Variants in ANK2 observed in about 807,000 individuals in gnomAD.
The protein encoded by ANK2 is ankyrin 2.
In ANK2, 83 loss-of-function variants were observed where a neutral mutation model predicts 360.5. The ratio of observed to expected loss-of-function variants is 0.23; its 90% CI spans 0.19 to 0.28. The LOEUF (loss-of-function observed/expected upper bound fraction) is 0.28, where lower values mean the gene tolerates loss of function less well. Ranked by LOEUF, ANK2 falls within the 10% of genes least tolerant of loss-of-function variation. ANK2 has a pLI of 1.00. For synonymous variants in ANK2, 1,740 were observed against 1,759.5 expected, an observed-to-expected ratio of 0.99 and a Z score of 0.28; for missense variants, 4,201 against 4,795.7, an observed-to-expected ratio of 0.88 and a Z score of 3.66.
In ANK2 at chr4:112,896,041, C is replaced by T. The variant is rs148949233; in HGVS notation, c.-39-8414C>T. 1.8e-3 allele frequency among the ~76,000 whole-genome samples: 272 copies of T among 152,302 alleles called. 1 individual carries two copies. Among genetic ancestry groups the T allele is most frequent in the Admixed American group, 5.1e-3 (78 of 15,294 alleles). On this transcript the variant is annotated intron_variant, in intron 1 of 30. Coordinates refer to the ANK2 transcript ENST00000503271. ...CATTTGTTCTCATTCTCTCACCACC[C>T]GCCACCCTACTGCTTCAGTTCCAGG...
chr4:113,189,199 C>G (rs563265125), intron 2 of ANK2, among the ~76,000 whole-genome samples: 1 of 152,212 alleles, frequency 6.6e-6, no homozygotes, highest in African/African-American at 2.4e-5. Flanking sequence ...AAATTGATAC[C>G]AAACACCATT....
At chr4:113,225,775 A>G (rs362467) in intron 4 of ANK2, among the ~76,000 whole-genome samples, 8 of 152,324 alleles carry the variant, frequency 5.3e-5, no homozygotes, top group South Asian at 2.1e-4. Context: ...AAATATAAAT[A>G]TTAGCTCTTG....
chr4:113,158,114 A>T (rs2097369566), intron 1 of ANK2, among the ~76,000 whole-genome samples: 1 of 152,190 alleles, frequency 6.6e-6, no homozygotes. Flanking sequence ...TTAAAAGAAA[A>T]AGCAAGTTTA....
intron 1 of ANK2, among the ~76,000 whole-genome samples, chr4:113,064,605 C>T (rs921089025): frequency 1.3e-5 from 2 of 152,186 alleles, no homozygotes; most frequent in African/African-American, 2.4e-5. Context: ...AAAGTACCAA[C>T]CACCCTTACG....
intron 37 of ANK2, among the ~76,000 whole-genome samples, chr4:113,351,745 A>G (rs910518844): frequency 6.6e-5 from 10 of 152,068 alleles, no homozygotes; most frequent in Admixed American, 2.0e-4. Context: ...AAATGTTACC[A>G]TGTTGCTATG....
the ANK2 span, among the ~76,000 whole-genome samples, chr4:112,777,338 A>AAC: frequency 6.6e-6 from 1 of 151,730 alleles, no homozygotes; most frequent in African/African-American, 2.4e-5. Flanking sequence ...TCCTGGATTC[A>AAC]CGCCATTCTC....
chr4:112,748,636 A>C, the ANK2 span, among the ~76,000 whole-genome samples: 1 of 152,168 alleles, frequency 6.6e-6, no homozygotes, highest in Admixed American at 6.5e-5. Flanking sequence ...TGTTGGGCCT[A>C]AAGTTCCTCA....
chr4:112,850,356 T>TCCATCCATCCATCCATCCAC (rs1176494692), intron 1 of ANK2, among the ~76,000 whole-genome samples: 4 of 149,248 alleles, frequency 2.7e-5, no homozygotes, highest in African/African-American at 7.4e-5. Flanking sequence ...CATCCATCCA[T>TCCATCCATCCATCCATCCAC]CCACCCATTC....
intron 1 of ANK2, among the ~76,000 whole-genome samples, chr4:112,903,487 A>T (rs2084146470): frequency 6.6e-6 from 1 of 152,204 alleles, no homozygotes; most frequent in Non-Finnish European, 1.5e-5. Flanking sequence ...ATAACCATTT[A>T]TGGGCTTGAA....
the ANK2 span, among the ~76,000 whole-genome samples, chr4:112,774,498 G>A: frequency 2.0e-5 from 3 of 152,176 alleles, no homozygotes. Flanking sequence ...GGCACCTCCA[G>A]TCTGGGCGAC....
chr4:113,047,399 C>T (rs976535547), upstream of ANK2, among the ~76,000 whole-genome samples: 1 of 152,150 alleles, frequency 6.6e-6, no homozygotes, highest in South Asian at 2.1e-4. Context: ...TCATGATATC[C>T]ACAGTAGTTA....
chr4:112,869,304 A>C (rs1281523893), intron 1 of ANK2, among the ~76,000 whole-genome samples: 1 of 148,382 alleles, frequency 6.7e-6, no homozygotes, highest in African/African-American at 2.5e-5. Flanking sequence ...TTTTGACAGG[A>C]TCTCACTCTG....
chr4:112,852,017 T>G (rs150503709), intron 1 of ANK2, among the ~76,000 whole-genome samples: 58 of 152,362 alleles, frequency 3.8e-4, no homozygotes, highest in African/African-American at 1.3e-3. Flanking sequence ...TAAATAGGTT[T>G]GTCAAATCTG....
chr4:112,773,992 G>T, the ANK2 span, among the ~76,000 whole-genome samples: 1 of 151,582 alleles, frequency 6.6e-6, no homozygotes, highest in Non-Finnish European at 1.5e-5. Flanking sequence ...GTAGAGATGG[G>T]GTTTGACTAT....
At chr4:113,292,364 T>G in intron 20 of ANK2, 52 bp from the exon 21 acceptor site, 5 of 1,478,458 alleles carry the variant, frequency 3.4e-6, no homozygotes, top group Non-Finnish European at 4.7e-6. Flanking sequence ...AACCTAATTT[T>G]CCTCTCCCTC....
At chr4:113,315,742 CA>C (rs375305965) in intron 24 of ANK2, among the ~76,000 whole-genome samples, 4,181 of 151,424 alleles carry the variant, frequency 0.028, 190 homozygotes, top group African/African-American at 0.095. Flanking sequence ...ACTAAAAATA[CA>C]AAAAAATTAG....
rs200658794 is a variant in ANK2, at chr4:113,318,617, C to T, written c.2897C>T (p.Ser966Leu). Residue 966 changes from serine (S) to leucine (L), a missense_variant, in exon 26 of 46, where the codon TCA becomes TTA. Physicochemically the swap from Ser to Leu is moderately radical, Grantham distance 145. This residue lies in a region of ANK2 where 1,268 missense variants were observed against 1,650.8 expected (regional missense o/e 0.77). Coordinates refer to ENST00000357077, the MANE Select transcript of ANK2 (RefSeq NM_001148.6). The part of the protein sequence containing the change: ...NVALSSSPIH[S>L]GFLVSFMVDA... Reference sequence around the variant, plus strand: ...GCTCTTTCTTCTAGTCCTATTCATTCAGGGTGAGTAAATCAATATTATGTA... The same window carrying T: ...GCTCTTTCTTCTAGTCCTATTCATTTAGGGTGAGTAAATCAATATTATGTA... The T allele has an allele frequency of 5.0e-6, 8 of 1,606,810 alleles. No individual in the cohort carries two copies. Among genetic ancestry groups the T allele is most frequent in the Non-Finnish European group, 6.8e-6 (8 of 1,174,408 alleles).
At chr4:113,048,314 C>T (rs1211310633), upstream of ANK2, among the ~76,000 whole-genome samples, 13 of 84,818 alleles carry the variant, frequency 1.5e-4, no homozygotes, top group South Asian at 9.1e-4. Flanking sequence ...TTTTTCAAGG[C>T]GGAGTCTTGC....
chr4:113,378,526 G>A (rs1413810473), intron 45 of ANK2, among the ~76,000 whole-genome samples: 1 of 152,142 alleles, frequency 6.6e-6, no homozygotes, highest in African/African-American at 2.4e-5. Context: ...GAATCTAATC[G>A]ATGGATCACA....
Sources: allele counts gnomAD v4.1 joint callset (sites outside exome capture counted in the v4.1 genomes callset), GRCh38; gene constraint gnomAD v4.1.1; regional missense constraint gnomAD v4.1.1; transcripts MANE v1.5; gene names NCBI Gene and HGNC (gene_info 2026-07-23, HGNC 2026-07-21).